The following GABRA2 variants were observed in gnomAD, a reference collection of about 807,000 sequenced individuals.
GABRA2 encodes gamma-aminobutyric acid type A receptor subunit alpha2.
In GABRA2, 16 loss-of-function variants were observed where a neutral mutation model predicts 48.7. The observed-to-expected ratio is 0.33, with a 90% CI of 0.22 to 0.50. The LOEUF (loss-of-function observed/expected upper bound fraction) is 0.50. Among genes scored for constraint, GABRA2 ranks in the 20% least tolerant of loss-of-function variants. The probability of loss-of-function intolerance (pLI) is 0.98; values close to 1 mark genes in which losing one functional copy is unlikely to be tolerated. For synonymous variants in GABRA2, 185 were observed against 184.5 expected, an observed-to-expected ratio of 1.00 and a Z score of -0.02; for missense variants, 275 against 535.6, an observed-to-expected ratio of 0.51 and a Z score of 4.80.
At position 46,245,026 on chromosome 4, in the gene GABRA2, GTTTTTTGT is replaced by G. The variant is rs2109353950; in HGVS notation, c.*5274_*5281del. 6.6e-6 allele frequency among the ~76,000 whole-genome samples: 1 copy of G among 151,126 alleles called. No individual in the cohort carries two copies. Among genetic ancestry groups the G allele is most frequent in the African/African-American group, 2.4e-5 (1 of 41,410 alleles). Reference sequence around the variant, plus strand: ...AACACAGGTTTTTGGTTTTTTTGTTGTTTTTTGTTTTTTTGTTTGTTTGTTTCGTTTAC... The same window carrying G: ...AACACAGGTTTTTGGTTTTTTTGTTGTTTTTTGTTTGTTTGTTTCGTTTAC... On this transcript the variant is annotated 3_prime_UTR_variant, in exon 10 of 10. Coordinates refer to ENST00000381620, the MANE Select transcript of GABRA2 (RefSeq NM_000807.4).
At chr4:46,352,645 G>T (rs1735319446) in intron 3 of GABRA2, among the ~76,000 whole-genome samples, 1 of 152,022 alleles carries the variant, frequency 6.6e-6, no homozygotes, top group South Asian at 2.1e-4. Flanking sequence ...AGAAATTTTA[G>T]ACAGACCCTT....
At chr4:46,282,594 T>C (rs1721746272) in intron 8 of GABRA2, among the ~76,000 whole-genome samples, 2 of 152,184 alleles carry the variant, frequency 1.3e-5, no homozygotes, top group African/African-American at 4.8e-5. Flanking sequence ...ACTAATGATA[T>C]GATGTCAAAG....
chr4:46,302,133 A>G (rs1263033840), intron 8 of GABRA2, among the ~76,000 whole-genome samples: 1 of 151,388 alleles, frequency 6.6e-6, no homozygotes, highest in Non-Finnish European at 1.5e-5. Context: ...CAACGGCATG[A>G]TCATAGCTCA....
intron 9 of GABRA2, among the ~76,000 whole-genome samples, chr4:46,254,821 C>A (rs2109396878): frequency 6.6e-6 from 1 of 151,598 alleles, no homozygotes; most frequent in Non-Finnish European, 1.5e-5. Context: ...AAAAAATGTC[C>A]AGAAGTGCAC....
At chr4:46,324,014 T>C (rs1202453974) in intron 4 of GABRA2, among the ~76,000 whole-genome samples, 1 of 151,890 alleles carries the variant, frequency 6.6e-6, no homozygotes, top group Non-Finnish European at 1.5e-5. Flanking sequence ...ATAGTTATAA[T>C]GCCGTATAGC....
chr4:46,351,118 TA>T (rs965972158), intron 3 of GABRA2, among the ~76,000 whole-genome samples: 47 of 106,876 alleles, frequency 4.4e-4, no homozygotes, highest in African/African-American at 1.1e-3. Context: ...GTTGGAGACT[TA>T]AAAAAAAAGG....
At chr4:46,343,128 C>T (rs1169899509) in intron 3 of GABRA2, among the ~76,000 whole-genome samples, 1 of 151,972 alleles carries the variant, frequency 6.6e-6, no homozygotes, top group African/African-American at 2.4e-5. Context: ...CCTCCATCCC[C>T]AATACTTTAG....
chr4:46,259,620 T>C (rs1716550753), intron 9 of GABRA2, among the ~76,000 whole-genome samples: 2 of 151,940 alleles, frequency 1.3e-5, no homozygotes, highest in African/African-American at 4.8e-5. Context: ...ATTATTCTTA[T>C]GGGGCAAATT....
chr4:46,308,353 G>T (rs757593983), intron 6 of GABRA2, among the ~76,000 whole-genome samples: 2 of 152,142 alleles, frequency 1.3e-5, no homozygotes, highest in Non-Finnish European at 2.9e-5. Context: ...CACTGACGAA[G>T]TTCCTGAAAT....
At chr4:46,265,008 A>ATATATATATATGTAT (rs1717825404) in intron 8 of GABRA2, among the ~76,000 whole-genome samples, 2 of 58,000 alleles carry the variant, frequency 3.4e-5, no homozygotes, top group Non-Finnish European at 8.1e-5. Context: ...TATATGTATA[A>ATATATATATATGTAT]AGAGAGAGAG....
At position 46,250,474 on chromosome 4, in the gene GABRA2, T is replaced by G; in HGVS notation, c.1190A>C (p.Asn397Thr). 1 of 1,612,268 alleles carries G rather than the reference T, an allele frequency of 6.2e-7. No individual in the cohort carries two copies. Among genetic ancestry groups the G allele is most frequent in the Non-Finnish European group, 8.5e-7 (1 of 1,178,764 alleles). Residue 397 changes from asparagine (N) to threonine (T), a missense_variant, in exon 10 of 10, where the codon AAC becomes ACC. Around this residue, in one of 4 missense-constraint regions of GABRA2, gnomAD observed 99 missense variants for 124.3 expected, o/e 0.80. Transcript: ENST00000381620. ...AGCTGGCTTGTTTTCTGGCTTCTTG[T>G]TGGGTTCTGGCGTGGTTGCACTCTT... ...ISKSATTPEP[N>T]KKPENKPAEA...
rs1040597135 is a variant in GABRA2 at position 46,389,854 on chromosome 4, A to G, written c.-130T>C. The G allele has an allele frequency of 1.5e-4, 149 of 967,720 alleles. No individual in the cohort carries two copies. The highest frequency in any genetic ancestry group is 9.5e-4 in the East Asian group (8 of 8,388). The allele number at this position is 967,720 out of a possible 1,614,324, so 59.9% of individuals were successfully genotyped here. The stretch of plus-strand genomic sequence containing the variant: ...GAGAGAGAGAGAGAGAGAGAGAGAG[A>G]GAGAGAGACCGAGACTGCAGCAGCC... On this transcript the variant is annotated 5_prime_UTR_variant, in exon 1 of 10. Coordinates refer to ENST00000381620, the MANE Select transcript of GABRA2 (RefSeq NM_000807.4).
chr4:46,282,906 T>C (rs558111), intron 8 of GABRA2, among the ~76,000 whole-genome samples: 75,943 of 151,988 alleles, frequency 0.5, 20,236 homozygotes, highest in South Asian at 0.76. Flanking sequence ...ATAAGAAAGT[T>C]ATTGTTACTA....
At chr4:46,273,984 A>G (rs1273008420) in intron 8 of GABRA2, among the ~76,000 whole-genome samples, 7 of 152,096 alleles carry the variant, frequency 4.6e-5, no homozygotes, top group Admixed American at 2.6e-4. Flanking sequence ...AGCTTTACTC[A>G]TATATCTTAG....
intron 8 of GABRA2, among the ~76,000 whole-genome samples, chr4:46,276,599 C>CAAAAAAAAAAAAAAAAA (rs60891194): frequency 1.2e-5 from 1 of 85,190 alleles, no homozygotes; most frequent in African/African-American, 3.7e-5. Context: ...ACTTCAGGCT[C>CAAAAAAAAAAAAAAAAA]AAAAAAAAAA....
chr4:46,375,491 C>T (rs374917246), intron 3 of GABRA2, among the ~76,000 whole-genome samples: 3 of 152,060 alleles, frequency 2.0e-5, no homozygotes, highest in East Asian at 1.9e-4. Context: ...GAGGAGAATC[C>T]GGAAGTTTCT....
intron 9 of GABRA2, among the ~76,000 whole-genome samples, chr4:46,251,968 A>G (rs968512165): frequency 1.3e-5 from 2 of 151,690 alleles, no homozygotes; most frequent in Admixed American, 1.3e-4. Flanking sequence ...ACTTGAATAC[A>G]AAGTAAATTG....
intron 8 of GABRA2, among the ~76,000 whole-genome samples, chr4:46,265,022 T>C (rs113019718): frequency 7.4e-6 from 1 of 135,520 alleles, no homozygotes; most frequent in Admixed American, 7.5e-5. Flanking sequence ...GAGAGAGAGA[T>C]AGAGAGAGAG....
At chr4:46,312,974 T>A (rs1727906226) in intron 4 of GABRA2, among the ~76,000 whole-genome samples, 1 of 151,956 alleles carries the variant, frequency 6.6e-6, no homozygotes, top group African/African-American at 2.4e-5. Context: ...CTCTTTTAGT[T>A]GAACAAGGTC....
Sources: allele counts gnomAD v4.1 joint callset (sites outside exome capture counted in the v4.1 genomes callset), GRCh38; gene constraint gnomAD v4.1.1; regional missense constraint gnomAD v4.1.1; transcripts MANE v1.5; gene names NCBI Gene and HGNC (gene_info 2026-07-23, HGNC 2026-07-21).